CSRNP3: variants seen among roughly 807,000 people sequenced by gnomAD.
CSRNP3 encodes cysteine and serine rich nuclear protein 3.
A neutral mutation model predicts 48.0 loss-of-function variants in CSRNP3; 12 were observed. That is an observed-to-expected ratio of 0.25 (90% CI 0.16 to 0.41). The LOEUF (loss-of-function observed/expected upper bound fraction) is 0.41, where lower values mean the gene tolerates loss of function less well. Ranked by LOEUF, CSRNP3 falls within the 10% of genes least tolerant of loss-of-function variation. CSRNP3 has a pLI of 1.00. For synonymous variants in CSRNP3, 263 were observed against 269.7 expected, an observed-to-expected ratio of 0.98 and a Z score of 0.24; for missense variants, 580 against 724.4, an observed-to-expected ratio of 0.80 and a Z score of 2.29.
chr2:165,527,982 AAGG>A (rs1292292142), intron 3 of CSRNP3, among the ~76,000 whole-genome samples: 8 of 151,690 alleles, frequency 5.3e-5, no homozygotes, highest in Non-Finnish European at 1.2e-4. Flanking sequence ...GAGAGAGAGA[AAGG>A]AGAGGGAGAG....
intron 4 of CSRNP3, among the ~76,000 whole-genome samples, chr2:165,637,167 A>G (rs1459987118): frequency 6.6e-6 from 1 of 152,250 alleles, no homozygotes; most frequent in Non-Finnish European, 1.5e-5. Context: ...AACTCATAAA[A>G]TAGCTTGAAA....
intron 4 of CSRNP3, among the ~76,000 whole-genome samples, chr2:165,638,187 AGTG>A (rs1686663136): frequency 6.6e-6 from 1 of 152,094 alleles, no homozygotes; most frequent in Admixed American, 6.6e-5. Context: ...CTAGGCTGGG[AGTG>A]GTGGCTCACG....
rs530763260 is a variant in CSRNP3, at chr2:165,509,001, G to A, written c.-112-8872G>A. 2.7e-4 allele frequency among the ~76,000 whole-genome samples: 41 copies of A among 152,184 alleles called. No homozygotes were observed. In the Middle Eastern group the frequency reaches 0.01, roughly 38 times the overall value. ...ACTAACACTGACTTAACAGATATTA[G>A]CATATTGCTTTTTCCAAATGGCAGT... On this transcript the variant is annotated intron_variant, in intron 2 of 6. Coordinates refer to ENST00000651982, the MANE Select transcript of CSRNP3 (RefSeq NM_001172173.2).
At chr2:165,580,066 C>A (rs1409760137) in intron 3 of CSRNP3, among the ~76,000 whole-genome samples, 1 of 151,542 alleles carries the variant, frequency 6.6e-6, no homozygotes. Context: ...GTGGCTGGGA[C>A]TACAGGCGCC....
intron 2 of CSRNP3, among the ~76,000 whole-genome samples, chr2:165,498,328 G>C (rs1393047326): frequency 6.6e-6 from 1 of 151,992 alleles, no homozygotes; most frequent in Non-Finnish European, 1.5e-5. Context: ...TTACTTTAAA[G>C]GTAAAACCTT....
At chr2:165,663,249 C>T (rs902519052) in intron 5 of CSRNP3, among the ~76,000 whole-genome samples, 2 of 152,154 alleles carry the variant, frequency 1.3e-5, no homozygotes, top group Non-Finnish European at 2.9e-5. Flanking sequence ...TTAACTATTT[C>T]CCCATACTCT....
At chr2:165,493,439 C>T (rs1025510528) in intron 1 of CSRNP3, among the ~76,000 whole-genome samples, 9 of 152,116 alleles carry the variant, frequency 5.9e-5, no homozygotes, top group African/African-American at 2.2e-4. Flanking sequence ...ATTCCCTAGT[C>T]TGTTAACCCT....
chr2:165,659,440 A>G lies in CSRNP3; in HGVS notation c.408+1420A>G, dbSNP rs1429335335. 2.0e-5 allele frequency among the ~76,000 whole-genome samples: 3 copies of G among 152,218 alleles called. No homozygotes were observed. The East Asian group carries it at 5.8e-4, about 29-fold the overall frequency. ...GTGATAATACTGTTTTGCTATGACAAGGAACACAGGAAGGGGACAGGCTGG... is the reference window on the plus strand; with the variant it reads ...GTGATAATACTGTTTTGCTATGACAGGGAACACAGGAAGGGGACAGGCTGG... On this transcript the variant is annotated intron_variant, in intron 5 of 6. Coordinates refer to ENST00000651982, the MANE Select transcript of CSRNP3 (RefSeq NM_001172173.2).
chr2:165,654,664 C>A (rs1686972782), intron 4 of CSRNP3, among the ~76,000 whole-genome samples: 2 of 152,186 alleles, frequency 1.3e-5, no homozygotes, highest in South Asian at 4.1e-4. Flanking sequence ...CAGTGTCTCT[C>A]TGTTGCCCAG....
At chr2:165,608,203 T>G (rs1232188723) in intron 4 of CSRNP3, among the ~76,000 whole-genome samples, 2 of 151,884 alleles carry the variant, frequency 1.3e-5, no homozygotes, top group African/African-American at 4.8e-5. Flanking sequence ...AAACAGATAA[T>G]GCACTCAAAG....
At chr2:165,629,602 T>C (rs1046689674) in intron 4 of CSRNP3, among the ~76,000 whole-genome samples, 1 of 152,242 alleles carries the variant, frequency 6.6e-6, no homozygotes, top group African/African-American at 2.4e-5. Flanking sequence ...GGTTACTTGT[T>C]GGACCAGAAG....
At chr2:165,671,955 T>C (rs1687338672) in intron 5 of CSRNP3, among the ~76,000 whole-genome samples, 1 of 152,202 alleles carries the variant, frequency 6.6e-6, no homozygotes, top group Non-Finnish European at 1.5e-5. Flanking sequence ...AAGAGTCACC[T>C]TTGCTCCAGT....
chr2:165,490,184 A>C (rs1435208253), intron 1 of CSRNP3, among the ~76,000 whole-genome samples: 11 of 150,164 alleles, frequency 7.3e-5, no homozygotes, highest in Admixed American at 1.3e-4. Context: ...ATCATGAGTG[A>C]ACTCCCATTC....
At chr2:165,549,556 T>A (rs910006155) in intron 3 of CSRNP3, among the ~76,000 whole-genome samples, 1 of 152,114 alleles carries the variant, frequency 6.6e-6, no homozygotes, top group African/African-American at 2.4e-5. Flanking sequence ...CAATTATATA[T>A]AACATTATTT....
chr2:165,579,984 A>G (rs556238973), intron 3 of CSRNP3, among the ~76,000 whole-genome samples: 70 of 131,826 alleles, frequency 5.3e-4, no homozygotes, highest in Non-Finnish European at 4.6e-5. Context: ...GCTGGAGTGC[A>G]ATGGCGTAAT....
At chr2:165,531,253 T>C (rs1684808176) in intron 3 of CSRNP3, among the ~76,000 whole-genome samples, 1 of 152,170 alleles carries the variant, frequency 6.6e-6, no homozygotes, top group African/African-American at 2.4e-5. Context: ...TCTATCCTTA[T>C]CTTCCTACTC....
At chr2:165,629,819 C>G (rs981308493) in intron 4 of CSRNP3, among the ~76,000 whole-genome samples, 2 of 152,060 alleles carry the variant, frequency 1.3e-5, no homozygotes, top group African/African-American at 2.4e-5. Flanking sequence ...CTTTTTTTCC[C>G]CTTTAAAAGT....
chr2:165,501,384 G>A (rs1415777497), intron 2 of CSRNP3, among the ~76,000 whole-genome samples: 1 of 152,098 alleles, frequency 6.6e-6, no homozygotes, highest in Non-Finnish European at 1.5e-5. Context: ...GTCCAAAAAG[G>A]ATAAACACAG....
chr2:165,565,839 C>CT (rs1420603671), intron 3 of CSRNP3, among the ~76,000 whole-genome samples: 2 of 152,004 alleles, frequency 1.3e-5, no homozygotes, highest in Non-Finnish European at 2.9e-5. Flanking sequence ...GCACAGAATA[C>CT]TTTTATATAG....
Sources: allele counts gnomAD v4.1 joint callset (sites outside exome capture counted in the v4.1 genomes callset), GRCh38; gene constraint gnomAD v4.1.1; transcripts MANE v1.5; gene names NCBI Gene and HGNC (gene_info 2026-07-23, HGNC 2026-07-21).